The following ASTN2 variants were observed in gnomAD, a reference collection of about 807,000 sequenced individuals.
The protein encoded by ASTN2 is astrotactin 2.
A neutral mutation model predicts 139.8 loss-of-function variants in ASTN2; 54 were observed. That is an observed-to-expected ratio of 0.39 (90% CI 0.31 to 0.48). The LOEUF (loss-of-function observed/expected upper bound fraction) is 0.48. ASTN2 is among the 20% of genes least tolerant of loss of function. ASTN2 has a pLI of 0.95. For missense variants in ASTN2, 1,565 were observed against 1,725.1 expected (o/e 0.91, Z 1.64); for synonymous variants, 756 against 719.5 (o/e 1.05, Z -0.81).
intron 1 of ASTN2, among the ~76,000 whole-genome samples, chr9:117,398,310 T>C (rs529502157): frequency 6.6e-6 from 1 of 152,272 alleles, no homozygotes; most frequent in African/African-American, 2.4e-5. Flanking sequence ...CTTTCCAATA[T>C]ATTGTACATG....
intron 17 of ASTN2, among the ~76,000 whole-genome samples, chr9:116,635,428 C>T (rs1338786055): frequency 6.6e-6 from 1 of 152,162 alleles, no homozygotes; most frequent in Non-Finnish European, 1.5e-5. Context: ...AGTCTGTTCA[C>T]CTTGAATGTA....
intron 4 of ASTN2, among the ~76,000 whole-genome samples, chr9:117,106,358 C>T (rs1829103479): frequency 6.6e-6 from 1 of 151,872 alleles, no homozygotes; most frequent in African/African-American, 2.4e-5. Context: ...CCTTGAGTAG[C>T]TGTGATTTTT....
At chr9:116,611,329 T>C (rs2131799455) in intron 19 of ASTN2, 1 of 152,244 alleles carries the variant, frequency 6.6e-6, no homozygotes, top group African/African-American at 2.4e-5. Flanking sequence ...CTCAAATCAA[T>C]AGCCTCAGCT....
intron 5 of ASTN2, among the ~76,000 whole-genome samples, chr9:117,050,675 T>C (rs995241530): frequency 2.0e-5 from 3 of 152,138 alleles, no homozygotes; most frequent in Non-Finnish European, 4.4e-5. Flanking sequence ...CAAAGTTCTT[T>C]AAAAGCTTCC....
intron 10 of ASTN2, among the ~76,000 whole-genome samples, chr9:116,875,637 T>C (rs1015513564): frequency 4.6e-5 from 7 of 152,220 alleles, no homozygotes; most frequent in Non-Finnish European, 7.3e-5. Flanking sequence ...TCTAGGTCTT[T>C]CATTGCTAGA....
intron 5 of ASTN2, among the ~76,000 whole-genome samples, chr9:117,090,960 C>T (rs1307345938): frequency 2.0e-5 from 3 of 152,224 alleles, no homozygotes; most frequent in Non-Finnish European, 2.9e-5. Context: ...CTGGTTACAT[C>T]GTTCCCAGAT....
At chr9:116,986,727 T>C (rs777634988) in intron 7 of ASTN2, among the ~76,000 whole-genome samples, 94 of 152,320 alleles carry the variant, frequency 6.2e-4, no homozygotes, top group East Asian at 7.7e-4. Context: ...CCCTGCTTGC[T>C]GAAGGTCACA....
chr9:117,402,029 C>T (rs1022978245), intron 1 of ASTN2, among the ~76,000 whole-genome samples: 4 of 152,068 alleles, frequency 2.6e-5, no homozygotes, highest in African/African-American at 9.7e-5. Flanking sequence ...GAAGGTGATG[C>T]CAGTGGAAAC....
intron 13 of ASTN2, among the ~76,000 whole-genome samples, chr9:116,780,184 C>T (rs34085902): frequency 0.17 from 25,141 of 152,172 alleles, 2,326 homozygotes; most frequent in Middle Eastern, 0.28. Flanking sequence ...AAGAAGCAAA[C>T]GGTAGAATAC....
At chr9:116,857,405 T>C (rs1433481269) in intron 11 of ASTN2, among the ~76,000 whole-genome samples, 1 of 152,214 alleles carries the variant, frequency 6.6e-6, no homozygotes, top group Admixed American at 6.5e-5. Context: ...TTCAAGATTA[T>C]GCTGCAATCC....
chr9:116,661,582 C>T (rs995402037), intron 16 of ASTN2, among the ~76,000 whole-genome samples: 4 of 151,946 alleles, frequency 2.6e-5, no homozygotes, highest in Non-Finnish European at 4.4e-5. Flanking sequence ...GAGAAGGAGA[C>T]GCTTAAGATA....
intron 22 of ASTN2, among the ~76,000 whole-genome samples, chr9:116,430,142 C>T (rs150414572): frequency 2.6e-5 from 4 of 152,234 alleles, no homozygotes; most frequent in East Asian, 3.9e-4. Context: ...CAGAAGTAAG[C>T]GATAAATATA....
At chr9:116,928,125 C>T (rs551703364) in intron 10 of ASTN2, among the ~76,000 whole-genome samples, 12 of 152,254 alleles carry the variant, frequency 7.9e-5, no homozygotes, top group Non-Finnish European at 1.5e-4. Context: ...GTGAAAACAA[C>T]GACCATTTAC....
intron 10 of ASTN2, among the ~76,000 whole-genome samples, chr9:116,870,277 G>C (rs948519495): frequency 6.6e-6 from 1 of 152,170 alleles, no homozygotes; most frequent in African/African-American, 2.4e-5. Flanking sequence ...TCTCCTACAT[G>C]AATCTTCTGA....
chr9:117,080,434 A>C (rs1200291300), intron 5 of ASTN2, among the ~76,000 whole-genome samples: 3 of 152,188 alleles, frequency 2.0e-5, no homozygotes, highest in African/African-American at 7.2e-5. Context: ...GTTTAGGTTT[A>C]GCACTTCAAG....
chr9:117,051,788 C>G (rs1217672567), intron 5 of ASTN2, among the ~76,000 whole-genome samples: 2 of 152,154 alleles, frequency 1.3e-5, no homozygotes, highest in African/African-American at 4.8e-5. Flanking sequence ...GGCAGGAGGA[C>G]AGCCACGTTC....
intron 19 of ASTN2, among the ~76,000 whole-genome samples, chr9:116,557,100 T>C (rs1321307184): frequency 6.6e-6 from 1 of 151,386 alleles, no homozygotes. Flanking sequence ...GGCGGGTGCC[T>C]GTAGTCCCAG....
At chr9:117,351,015 A>T (rs939827302) in intron 1 of ASTN2, among the ~76,000 whole-genome samples, 1 of 152,200 alleles carries the variant, frequency 6.6e-6, no homozygotes, top group African/African-American at 2.4e-5. Flanking sequence ...TACTTGAGAG[A>T]CTGAAGGTGG....
intron 16 of ASTN2, among the ~76,000 whole-genome samples, chr9:116,706,259 C>T (rs1827986686): frequency 6.6e-6 from 1 of 152,080 alleles, no homozygotes. Flanking sequence ...AAGCCTACGC[C>T]AAATAAGTGC....
Sources: allele counts gnomAD v4.1 joint callset (sites outside exome capture counted in the v4.1 genomes callset), GRCh38; gene constraint gnomAD v4.1.1; transcripts MANE v1.5; gene names NCBI Gene and HGNC (gene_info 2026-07-23, HGNC 2026-07-21).